The following AIG1 variants were observed in gnomAD, a reference collection of about 807,000 sequenced individuals.
AIG1 encodes androgen-induced gene 1 protein.
In AIG1, 23 loss-of-function variants were observed where a neutral mutation model predicts 31.4. The observed-to-expected ratio is 0.73, with a 90% CI of 0.53 to 1.04. The LOEUF is 1.04. Among genes scored for constraint, AIG1 ranks in the 50% least tolerant of loss-of-function variants. AIG1 has a pLI of 0.00. For missense variants in AIG1, 274 were observed against 295.0 expected (o/e 0.93, Z 0.52); for synonymous variants, 100 against 110.5 (o/e 0.90, Z 0.60).
chr6:143,096,932 A>T (rs1779849236), intron 1 of AIG1, among the ~76,000 whole-genome samples: 2 of 151,150 alleles, frequency 1.3e-5, no homozygotes, highest in Admixed American at 1.3e-4. Flanking sequence ...TTTTAAAATG[A>T]TTTTTTCCAT....
rs1218988374 is a variant in AIG1 at position 143,339,710 on chromosome 6, C to T, written c.*34C>T. On this transcript the variant is annotated 3_prime_UTR_variant, in exon 6 of 6. Transcript: ENST00000357847. Reference sequence around the variant, plus strand: ...TCTAAACGCAAGAGCTAGATTGAGCCGCCATTGAAGACTCCTTCCCCTCGG... The same window carrying T: ...TCTAAACGCAAGAGCTAGATTGAGCTGCCATTGAAGACTCCTTCCCCTCGG... 12 of 1,608,616 alleles carry T rather than the reference C, an allele frequency of 7.5e-6. No homozygotes were observed. The highest frequency in any genetic ancestry group is 2.7e-5 in the African/African-American group (2 of 74,718).
At chr6:143,308,396 AG>A (rs1428468187) in intron 4 of AIG1, among the ~76,000 whole-genome samples, 1 of 152,242 alleles carries the variant, frequency 6.6e-6, no homozygotes, top group African/African-American at 2.4e-5. Context: ...GATAACATTG[AG>A]GAATGAAAAC....
intron 3 of AIG1, among the ~76,000 whole-genome samples, chr6:143,166,615 G>T (rs1255533546): frequency 6.6e-6 from 1 of 152,166 alleles, no homozygotes; most frequent in Non-Finnish European, 1.5e-5. Context: ...TGAATTCCAA[G>T]CACTTCGCCC....
intron 1 of AIG1, among the ~76,000 whole-genome samples, chr6:143,068,374 T>G (rs914553037): frequency 6.6e-6 from 1 of 152,222 alleles, no homozygotes; most frequent in African/African-American, 2.4e-5. Flanking sequence ...TCTTGTGCAG[T>G]CTGTAGTTAG....
At chr6:143,200,762 C>A (rs541745005) in intron 3 of AIG1, among the ~76,000 whole-genome samples, 1 of 152,164 alleles carries the variant, frequency 6.6e-6, no homozygotes, top group Non-Finnish European at 1.5e-5. Context: ...TAGGCTCCTC[C>A]TCTCCTGGAC....
chr6:143,283,292 C>T (rs1033580965), intron 3 of AIG1, among the ~76,000 whole-genome samples: 1 of 152,170 alleles, frequency 6.6e-6, no homozygotes, highest in Non-Finnish European at 1.5e-5. Flanking sequence ...AGATGTTCTA[C>T]TCAGCTTCTT....
In AIG1 at chr6:143,232,531, C is replaced by T. The variant is rs554364118; in HGVS notation, c.400-51579C>T. ...GGAACTATCCACCATCCCCCAAACA[C>T]CTTCTTTGCCAAGATGCTTCTTACC... On this transcript the variant is annotated intron_variant, in intron 3 of 5. Transcript: ENST00000357847. Among the ~76,000 whole-genome samples, 3 of 152,282 alleles carry T rather than the reference C, an allele frequency of 2.0e-5. No individual in the cohort carries two copies. In the South Asian group the frequency reaches 6.2e-4, roughly 32 times the overall value.
chr6:143,267,162 G>C (rs1370932663), intron 3 of AIG1, among the ~76,000 whole-genome samples: 1 of 152,124 alleles, frequency 6.6e-6, no homozygotes, highest in African/African-American at 2.4e-5. Flanking sequence ...GCTTCCCCCA[G>C]ACTGAGGTGA....
intron 3 of AIG1, among the ~76,000 whole-genome samples, chr6:143,217,993 A>G (rs1449093386): frequency 6.6e-6 from 1 of 152,256 alleles, no homozygotes; most frequent in African/African-American, 2.4e-5. Flanking sequence ...GTCAGCACTC[A>G]TGCAATAGAA....
intron 1 of AIG1, among the ~76,000 whole-genome samples, chr6:143,112,334 G>T (rs1781349361): frequency 6.6e-6 from 1 of 152,096 alleles, no homozygotes; most frequent in Non-Finnish European, 1.5e-5. Flanking sequence ...GCTCTAGGGG[G>T]AACCTTTTCT....
At chr6:143,123,486 G>A (rs1782407772) in intron 1 of AIG1, among the ~76,000 whole-genome samples, 1 of 151,986 alleles carries the variant, frequency 6.6e-6, no homozygotes, top group Non-Finnish European at 1.5e-5. Context: ...GGATTCCTGG[G>A]TTAATATTGT....
intron 4 of AIG1, among the ~76,000 whole-genome samples, chr6:143,295,151 C>G (rs962729128): frequency 1.3e-5 from 2 of 152,196 alleles, no homozygotes; most frequent in African/African-American, 4.8e-5. Context: ...CAACCCATCT[C>G]TCTTGGGCCC....
At chr6:143,086,570 C>A (rs1778804093) in intron 1 of AIG1, among the ~76,000 whole-genome samples, 1 of 152,028 alleles carries the variant, frequency 6.6e-6, no homozygotes, top group South Asian at 2.1e-4. Flanking sequence ...AGCTGTATGC[C>A]TAAATTGGGA....
rs1012201334 is a variant in AIG1, at chr6:143,297,656, C to T, written c.515+13431C>T. ...TTCCTGTAACACTGCTCCTACTCAG[C>T]CTCCTTGGGAGGCCCCATTCTTCAT... On this transcript the variant is annotated intron_variant, in intron 4 of 5. Transcript: ENST00000357847. This position sits in a 1 kb window ranked among gnomAD's most constrained non-coding sequence, Gnocchi z 5.1. Among the ~76,000 whole-genome samples the T allele has an allele frequency of 1.2e-4, 19 of 152,142 alleles. No individual in the cohort carries two copies. The highest frequency in any genetic ancestry group is 4.3e-4 in the African/African-American group (18 of 41,426).
intron 3 of AIG1, chr6:143,186,691 T>G (rs577536875): frequency 9.2e-5 from 14 of 152,390 alleles, no homozygotes; most frequent in Admixed American, 2.6e-4. Context: ...AAGGGCCACT[T>G]CATTTCCTTA....
At chr6:143,137,545 G>C (rs1369256542) in intron 2 of AIG1, among the ~76,000 whole-genome samples, 2 of 152,168 alleles carry the variant, frequency 1.3e-5, no homozygotes, top group Non-Finnish European at 2.9e-5. Context: ...TGGGAGAGGA[G>C]ATCAGTATTA....
intron 3 of AIG1, among the ~76,000 whole-genome samples, chr6:143,171,391 G>A (rs548968783): frequency 5.8e-4 from 79 of 135,402 alleles, no homozygotes; most frequent in African/African-American, 1.7e-3. Context: ...TTATGGCTGC[G>A]TAGTATTCAA....
At chr6:143,065,909 A>C (rs1449579793) in intron 1 of AIG1, among the ~76,000 whole-genome samples, 1 of 152,190 alleles carries the variant, frequency 6.6e-6, no homozygotes, top group Non-Finnish European at 1.5e-5. Context: ...TGGGAATCCC[A>C]TTGGCTCTAG....
At chr6:143,248,295 C>T (rs1794757085) in intron 3 of AIG1, among the ~76,000 whole-genome samples, 1 of 152,200 alleles carries the variant, frequency 6.6e-6, no homozygotes, top group African/African-American at 2.4e-5. Flanking sequence ...GGGTTTGCCG[C>T]TGTTTGCATA....
Sources: gnomAD v4.1 joint callset for allele counts (sites outside exome capture counted in the v4.1 genomes callset) on GRCh38, gnomAD v4.1.1 for gene constraint, Gnocchi (gnomAD v3.1) non-coding constraint, MANE v1.5 for transcripts, NCBI Gene and HGNC (gene_info 2026-07-23, HGNC 2026-07-21) for gene names.